The following IPO5 variants were observed in gnomAD, a reference collection of about 807,000 sequenced individuals.
IPO5 encodes importin-5.
IPO5 carries 18 observed loss-of-function variants against 143.3 expected under a neutral mutation model. The observed-to-expected ratio is 0.13, with a 90% CI of 0.09 to 0.19. The LOEUF is 0.19. Ranked by LOEUF, IPO5 falls within the 10% of genes least tolerant of loss-of-function variation. IPO5 has a pLI of 1.00. For synonymous variants in IPO5, 477 were observed against 465.7 expected (o/e 1.02, Z -0.31); for missense variants, 1,013 against 1,336.9 (o/e 0.76, Z 3.78).
At chr13:98,015,484 A>G (rs530406466) in intron 22 of IPO5, 46 bp from the exon 23 acceptor site, 19 of 1,141,854 alleles carry the variant, frequency 1.7e-5, no homozygotes, top group Admixed American at 6.3e-5. Context: ...TTGGACTCCA[A>G]ACACCCCAAA....
At chr13:97,987,177 C>T in intron 6 of IPO5, 1 of 166,390 alleles carries the variant, frequency 6.0e-6, no homozygotes, top group South Asian at 1.9e-4. Context: ...AGGGCCATGA[C>T]AGCTTCCATG....
In IPO5 at chr13:97,969,171, A is replaced by ATTT. The variant is rs1566454683; in HGVS notation, c.-112-551_-112-550insTTT. 6.2e-4 allele frequency among the ~76,000 whole-genome samples: 44 copies of ATTT among 71,220 alleles called. 1 individual carries two copies. Among genetic ancestry groups the ATTT allele is most frequent in the African/African-American group, 3.0e-3 (42 of 13,886 alleles). 46.7% of individuals were successfully genotyped at this position (71,220 alleles called of 152,430 possible). A position where few individuals can be genotyped will look rare whatever the true frequency, so the allele number is the denominator to read the frequency against. ...CTGCTAAGTATATATATATATATAT[A>ATTT]TATATTTTTTTTTTTTTTTTTTTTT... On this transcript the variant is annotated intron_variant, in intron 2 of 28. Transcript: ENST00000651721.
chr13:97,956,746 A>G (rs1364896450), intron 2 of IPO5, among the ~76,000 whole-genome samples: 3 of 152,338 alleles, frequency 2.0e-5, no homozygotes, highest in African/African-American at 7.2e-5. Flanking sequence ...TAAATAGTCA[A>G]TTCACACAAG....
chr13:97,963,947 G>A (rs1301004086), intron 2 of IPO5, among the ~76,000 whole-genome samples: 1 of 152,176 alleles, frequency 6.6e-6, no homozygotes, highest in Non-Finnish European at 1.5e-5. Flanking sequence ...CTAATGACCA[G>A]TGAGGATGAG....
chr13:97,956,114 A>G (rs1265703010), intron 2 of IPO5, among the ~76,000 whole-genome samples: 1 of 149,716 alleles, frequency 6.7e-6, no homozygotes, highest in Non-Finnish European at 1.5e-5. Flanking sequence ...CCTGGGCGAC[A>G]GTGCGAGACT....
At chr13:97,955,159 G>A (rs1419490845) in intron 2 of IPO5, among the ~76,000 whole-genome samples, 1 of 151,864 alleles carries the variant, frequency 6.6e-6, no homozygotes, top group Non-Finnish European at 1.5e-5. Context: ...AGCTGGGGAG[G>A]TCAAGACTGC....
At position 98,023,564 on chromosome 13, in the gene IPO5, A is replaced by G. The variant is rs1282240653; in HGVS notation, c.*1742A>G. On this transcript the variant is annotated 3_prime_UTR_variant, in exon 29 of 29. Coordinates refer to ENST00000651721, the MANE Select transcript of IPO5 (RefSeq NM_002271.6). ...CAGAATTTCAGATGACAGTGTGGTC[A>G]GAAGATGTTTTTTGGGAGAACCTAG... 2 of 152,104 alleles carry G rather than the reference A, an allele frequency of 1.3e-5. No homozygotes were observed. The highest frequency in any genetic ancestry group is 2.9e-5 in the Non-Finnish European group (2 of 68,024). The allele number at this position is 152,104 out of a possible 1,614,324, so 9.4% of individuals were successfully genotyped here.
intron 2 of IPO5, among the ~76,000 whole-genome samples, chr13:97,969,012 C>T (rs558712825): frequency 4.0e-5 from 6 of 151,346 alleles, no homozygotes; most frequent in South Asian, 2.1e-4. Context: ...TTAGTAAAAA[C>T]GGGTTTTCTC....
chr13:97,994,845 G>A (rs538847701), intron 11 of IPO5, among the ~76,000 whole-genome samples: 22 of 152,224 alleles, frequency 1.4e-4, no homozygotes, highest in Non-Finnish European at 2.9e-4. Flanking sequence ...AGTTCTTGGG[G>A]CCAGGCATAC....
intron 2 of IPO5, among the ~76,000 whole-genome samples, chr13:97,966,133 CAAAA>C (rs34256210): frequency 9.0e-5 from 8 of 89,288 alleles, no homozygotes; most frequent in East Asian, 8.3e-4. Context: ...GGCCCCCTCT[CAAAA>C]AAAAAAAAAA....
At chr13:98,020,151 C>T (rs192253474) in intron 27 of IPO5, among the ~76,000 whole-genome samples, 29 of 152,268 alleles carry the variant, frequency 1.9e-4, no homozygotes, top group African/African-American at 5.5e-4. Flanking sequence ...TCAAGAGATC[C>T]TCCCACCTCA....
chr13:97,984,556 G>C lies in IPO5; in HGVS notation c.172-865G>C, dbSNP rs58163437. Among the ~76,000 whole-genome samples, 1,160 of 151,770 alleles carry C rather than the reference G, an allele frequency of 7.6e-3. 20 individuals are homozygous for C. Among genetic ancestry groups the C allele is most frequent in the African/African-American group, 0.026 (1,090 of 41,386 alleles). ...TTGTAACCATTTTGAATTCTTTCTA[G>C]AACATGTTAAATATTTGTAAAGGTT... On this transcript the variant is annotated intron_variant, in intron 5 of 28. Coordinates refer to ENST00000651721, the MANE Select transcript of IPO5 (RefSeq NM_002271.6).
chr13:97,955,995 G>C (rs748877599), intron 2 of IPO5, among the ~76,000 whole-genome samples: 1 of 151,972 alleles, frequency 6.6e-6, no homozygotes, highest in Admixed American at 6.6e-5. Context: ...AGCCGGGCGT[G>C]GTGGCGGGCA....
At chr13:98,012,492 G>T (rs188248404) in intron 21 of IPO5, 150 bp downstream of exon 21, 6 of 590,672 alleles carry the variant, frequency 1.0e-5, no homozygotes, top group Non-Finnish European at 1.8e-5. Flanking sequence ...TCGGTTCTCT[G>T]CATGTGCCTT....
At position 97,954,111 on chromosome 13, in the gene IPO5, T is replaced by C. The variant is rs929470343; in HGVS notation, c.-192-8T>C. The stretch of plus-strand genomic sequence containing the variant: ...AAACAGTCAGAAATCAGTTTTTATT[T>C]CACTTAGGTGGTTCCGGGGAGAAGC... On this transcript the variant is annotated splice_polypyrimidine_tract_variant and splice_region_variant and intron_variant, in intron 1 of 28. Transcript: ENST00000651721. The C allele has an allele frequency of 3.6e-6, 1 of 278,450 alleles. No homozygotes were observed. Among genetic ancestry groups the C allele is most frequent in the African/African-American group, 2.2e-5 (1 of 44,480 alleles). The allele number at this position is 278,450 out of a possible 1,614,324, so 17.2% of individuals were successfully genotyped here. A position where few individuals can be genotyped will look rare whatever the true frequency, so the allele number is the denominator to read the frequency against.
intron 21 of IPO5, 87 bp from the exon 22 acceptor site, chr13:98,013,955 T>C: frequency 8.9e-7 from 1 of 1,121,636 alleles, no homozygotes; most frequent in Non-Finnish European, 1.3e-6. Context: ...TAAACAGAAG[T>C]TGCCTAGCAC....
At chr13:97,973,166 C>T (rs1453181911) in intron 3 of IPO5, among the ~76,000 whole-genome samples, 3 of 151,290 alleles carry the variant, frequency 2.0e-5, no homozygotes, top group South Asian at 2.1e-4. Context: ...CCTCAGCCTC[C>T]AGAGTAGCTG....
chr13:98,002,183 T>G (rs1014636614), intron 13 of IPO5: 3 of 183,140 alleles, frequency 1.6e-5, no homozygotes, highest in Non-Finnish European at 3.4e-5. Context: ...CCCGGCTAAT[T>G]TTTTGTATTT....
In IPO5 at chr13:97,974,683, C is replaced by CAA. The variant is rs57634218; in HGVS notation, c.-4-1996_-4-1995dup. Among the ~76,000 whole-genome samples the CAA allele has an allele frequency of 7.5e-3, 1,026 of 136,608 alleles. 9 individuals are homozygous for CAA. The highest frequency in any genetic ancestry group is 0.023 in the African/African-American group (867 of 37,658). 89.6% of individuals were successfully genotyped at this position (136,608 alleles called of 152,430 possible). On this transcript the variant is annotated intron_variant, in intron 3 of 28. Transcript: ENST00000651721. ...AGAATCCAGATACCCCAACGACCCA[C>CAA]AAAAAAAAAAAAAAATCAAAATCAA...
Sources: gnomAD v4.1 joint callset for allele counts (sites outside exome capture counted in the v4.1 genomes callset) on GRCh38, gnomAD v4.1.1 for gene constraint, MANE v1.5 for transcripts, NCBI Gene and HGNC (gene_info 2026-07-23, HGNC 2026-07-21) for gene names.